Variants in FLYWCH1 observed in about 807,000 individuals in gnomAD.
The protein encoded by FLYWCH1 is FLYWCH-type zinc finger-containing protein 1.
In FLYWCH1, 75 loss-of-function variants were observed where a neutral mutation model predicts 66.4. The ratio of observed to expected loss-of-function variants is 1.13; its 90% CI spans 0.94 to 1.37. The LOEUF (loss-of-function observed/expected upper bound fraction) is 1.37. Among genes scored for constraint, FLYWCH1 ranks in the 40% most tolerant of loss-of-function variants. The probability of loss-of-function intolerance (pLI) is 0.00; values close to 1 mark genes in which losing one functional copy is unlikely to be tolerated. For synonymous variants in FLYWCH1, 595 were observed against 429.9 expected (o/e 1.38, Z -4.75); for missense variants, 1,334 against 1,001.8 (o/e 1.33, Z -4.48).
At chr16:2,923,095 T>C (rs1020468749) in intron 2 of FLYWCH1, 7 of 414,718 alleles carry the variant, frequency 1.7e-5, no homozygotes, top group Admixed American at 6.2e-5. Context: ...TTGTTTTGTG[T>C]GTGTGGCTGT....
intron 2 of FLYWCH1, among the ~76,000 whole-genome samples, chr16:2,918,215 T>C (rs2070241370): frequency 7.0e-6 from 1 of 143,508 alleles, no homozygotes; most frequent in African/African-American, 2.6e-5. Context: ...TGGGGCAATC[T>C]CGGCTCACTG....
At position 2,930,639 on chromosome 16, in the gene FLYWCH1, C is replaced by T. The variant is rs1032902393; in HGVS notation, c.555C>T (p.Arg185=). 9.0e-6 allele frequency: 14 copies of T among 1,548,144 alleles called. No individual in the cohort carries two copies. The highest frequency in any genetic ancestry group is 1.2e-5 in the Non-Finnish European group (14 of 1,147,380). Residue 185 remains arginine, a synonymous_variant, in exon 4 of 10, where the codon CGC becomes CGT. Transcript: ENST00000253928. Reference sequence around the variant, plus strand: ...ATGAGCAAGGCCTGGAGGCCCGGCGCCAGAGGGAGAAACTGCCCAGCCTGG... The same window carrying T: ...ATGAGCAAGGCCTGGAGGCCCGGCGTCAGAGGGAGAAACTGCCCAGCCTGG... ...APDEQGLEAR[R]QREKLPSLAL...
intron 9 of FLYWCH1, 90 bp from the exon 10 acceptor site, chr16:2,948,598 A>G: frequency 7.3e-7 from 1 of 1,376,844 alleles, no homozygotes; most frequent in Non-Finnish European, 1.0e-6. Flanking sequence ...ATCCCCAGGA[A>G]AAAGGATTCC....
At chr16:2,923,507 A>C (rs1334951531) in intron 2 of FLYWCH1, among the ~76,000 whole-genome samples, 1 of 152,010 alleles carries the variant, frequency 6.6e-6, no homozygotes, top group Non-Finnish European at 1.5e-5. Flanking sequence ...CAGCCTCCCA[A>C]AGTGCTGGGA....
chr16:2,922,866 T>C (rs542026133), intron 2 of FLYWCH1: 53 of 524,706 alleles, frequency 1.0e-4, no homozygotes, highest in South Asian at 1.4e-5. Flanking sequence ...GTCTTCTTCA[T>C]GGCAGACTCA....
intron 2 of FLYWCH1, among the ~76,000 whole-genome samples, chr16:2,928,481 A>C (rs2070648413): frequency 6.6e-6 from 1 of 152,152 alleles, no homozygotes; most frequent in African/African-American, 2.4e-5. Flanking sequence ...AGTGACTTTT[A>C]CCAGGCATAC....
rs545844349 is a variant in FLYWCH1 at position 2,915,801 on chromosome 16, G to GAA, written c.-74+1525_-74+1526dup. Among the ~76,000 whole-genome samples, 281 of 105,680 alleles carry GAA rather than the reference G, an allele frequency of 2.7e-3. 1 individual carries two copies. Among genetic ancestry groups the GAA allele is most frequent in the African/African-American group, 9.0e-3 (256 of 28,528 alleles). The allele number at this position is 105,680 out of a possible 152,430, so 69.3% of individuals were successfully genotyped here. A position where few individuals can be genotyped will look rare whatever the true frequency, so the allele number is the denominator to read the frequency against. On this transcript the variant is annotated intron_variant, in intron 2 of 9. Transcript: ENST00000253928. ...GACAGAGCAAGACTCTGTGTCGAGA[G>GAA]AAAAAAAAAAAAAAGAGAGAATCCA...
chr16:2,937,266 C>T lies in FLYWCH1; in HGVS notation c.1659C>T (p.Ile553=), dbSNP rs947080658. 6.2e-7 allele frequency: 1 copy of T among 1,606,740 alleles called. No homozygotes were observed. The highest frequency in any genetic ancestry group is 8.5e-7 in the Non-Finnish European group (1 of 1,177,746). ...QARMGCRSRA[I]TQGRRVMVMR... is the part of the protein sequence containing the mutation. ...GCATGGGCTGCCGCAGCCGCGCCAT[C>T]ACCCAGGGCCGGCGGGTCATGGTCA... Residue 553 remains isoleucine, a synonymous_variant, in exon 7 of 10, where the codon ATC becomes ATT. Transcript: ENST00000253928.
At chr16:2,925,280 C>A (rs1430007711) in intron 2 of FLYWCH1, among the ~76,000 whole-genome samples, 1 of 152,192 alleles carries the variant, frequency 6.6e-6, no homozygotes, top group East Asian at 1.9e-4. Context: ...CTCGCGGGAC[C>A]TGGGCTGGGG....
intron 2 of FLYWCH1, among the ~76,000 whole-genome samples, chr16:2,927,192 C>T (rs1292910165): frequency 6.6e-6 from 1 of 152,162 alleles, no homozygotes; most frequent in East Asian, 1.9e-4. Flanking sequence ...GGCGCTGTGT[C>T]CTCAGCCGCC....
intron 2 of FLYWCH1, chr16:2,915,220 C>G (rs1354341898): frequency 1.3e-5 from 2 of 151,832 alleles, no homozygotes; most frequent in Admixed American, 6.6e-5. Flanking sequence ...TCACTGCAAC[C>G]TCCATCTCCC....
rs367874316 is a variant in FLYWCH1 at position 2,933,208 on chromosome 16, G to A, written c.875G>A (p.Arg292Gln). ...FLVHESFLYK[R>Q]EKAVGDKVYW... ...GTACACGAGTCGTTCCTCTACAAGC[G>A]GGAGAAGGCTGTCGGGGACAAGGTG... The change falls in exon 5 of 10, where the codon CGG becomes CAG. Residue 292 changes from arginine to glutamine, a missense_variant. Arg to Gln is a conservative substitution (Grantham distance 43, BLOSUM62 1). Coordinates refer to ENST00000253928, the MANE Select transcript of FLYWCH1 (RefSeq NM_001308068.2). The A allele has an allele frequency of 2.6e-5, 42 of 1,613,726 alleles. 1 individual carries two copies. Among genetic ancestry groups the A allele is most frequent in the East Asian group, 8.9e-5 (4 of 44,828 alleles).
Position 2,938,458 on chromosome 16 carries a change from T to A in FLYWCH1, c.2050+2T>A. On this transcript the variant is annotated splice_donor_variant, in intron 8 of 9. Transcript: ENST00000253928. LOFTEE classifies it high-confidence loss of function. ...CCACGGCCCAGCAGGAGGACCCAGGTACAGGCAGGCTGTGGGGCAGAGGCA... is the reference window on the plus strand; with the variant it reads ...CCACGGCCCAGCAGGAGGACCCAGGAACAGGCAGGCTGTGGGGCAGAGGCA... 6.6e-7 allele frequency: 1 copy of A among 1,519,824 alleles called. No individual in the cohort carries two copies. Among genetic ancestry groups the A allele is most frequent in the South Asian group, 1.3e-5 (1 of 76,136 alleles). 94.1% of individuals were successfully genotyped at this position (1,519,824 alleles called of 1,614,324 possible). A position where few individuals can be genotyped will look rare whatever the true frequency, so the allele number is the denominator to read the frequency against.
At chr16:2,930,316 C>T in intron 3 of FLYWCH1, 94 bp from the exon 4 acceptor site, 1 of 760,056 alleles carries the variant, frequency 1.3e-6, no homozygotes, top group Non-Finnish European at 2.1e-6. Context: ...AGGCACCTGC[C>T]ATACTCAGGA....
rs2071621597 is a variant in FLYWCH1, at chr16:2,949,732, C to G, written c.*1005C>G. ...AGTTGGCCACGGAACCCACCATGCA[C>G]TGCAAGGCTGTGACAGCCTGGGCAC... On this transcript the variant is annotated 3_prime_UTR_variant, in exon 10 of 10. Transcript: ENST00000253928. 6.6e-6 allele frequency: 1 copy of G among 152,070 alleles called. No individual in the cohort carries two copies. Among genetic ancestry groups the G allele is most frequent in the South Asian group, 2.1e-4 (1 of 4,816 alleles). 9.4% of individuals were successfully genotyped at this position (152,070 alleles called of 1,614,324 possible).
intron 2 of FLYWCH1, among the ~76,000 whole-genome samples, chr16:2,922,050 G>A (rs1449367428): frequency 1.3e-5 from 2 of 152,272 alleles, no homozygotes; most frequent in Non-Finnish European, 2.9e-5. Flanking sequence ...GCAACTGGGT[G>A]ACAGAGTTAA....
rs1047136608 is a variant in FLYWCH1 at position 2,927,754 on chromosome 16, G to A, written c.-73-1859G>A. Among the ~76,000 whole-genome samples, 9 of 152,294 alleles carry A rather than the reference G, an allele frequency of 5.9e-5. 1 individual carries two copies. Among genetic ancestry groups the A allele is most frequent in the Middle Eastern group, 6.8e-3 (2 of 294 alleles). ...GGGCGCCAGGTGAAGGAGGCCTGCC[G>A]CTCCACACCTATGGATATTTCTCGT... On this transcript the variant is annotated intron_variant, in intron 2 of 9. Coordinates refer to ENST00000253928, the MANE Select transcript of FLYWCH1 (RefSeq NM_001308068.2).
At chr16:2,932,543 G>A (rs1174820664) in intron 4 of FLYWCH1, among the ~76,000 whole-genome samples, 2 of 152,102 alleles carry the variant, frequency 1.3e-5, no homozygotes, top group African/African-American at 2.4e-5. Context: ...AGGAGGCCAC[G>A]TGGCTCCTGA....
intron 4 of FLYWCH1, among the ~76,000 whole-genome samples, chr16:2,932,462 G>T (rs1251315148): frequency 1.3e-5 from 2 of 151,926 alleles, no homozygotes; most frequent in African/African-American, 4.8e-5. Context: ...TGCACATTTG[G>T]GGCTTGGCAA....
Sources: gnomAD v4.1 joint callset for allele counts (sites outside exome capture counted in the v4.1 genomes callset) on GRCh38, gnomAD v4.1.1 for gene constraint, MANE v1.5 for transcripts, NCBI Gene and HGNC (gene_info 2026-07-23, HGNC 2026-07-21) for gene names.